DSCAM: variants seen among roughly 807,000 people sequenced by gnomAD.
DSCAM encodes the protein cell adhesion molecule DSCAM.
DSCAM carries 47 observed loss-of-function variants against 217.7 expected under a neutral mutation model. The ratio of observed to expected loss-of-function variants is 0.22; its 90% CI spans 0.17 to 0.28. DSCAM has a LOEUF of 0.28. Ranked by LOEUF, DSCAM falls within the 10% of genes least tolerant of loss-of-function variation. The probability of loss-of-function intolerance (pLI) is 1.00; values close to 1 mark genes in which losing one functional copy is unlikely to be tolerated. For missense variants in DSCAM, 2,080 were observed against 2,618.3 expected (o/e 0.79, Z 4.49); for synonymous variants, 1,056 against 1,015.3 (o/e 1.04, Z -0.76).
chr21:40,500,242 A>G (rs2076160723), intron 3 of DSCAM, among the ~76,000 whole-genome samples: 1 of 152,122 alleles, frequency 6.6e-6, no homozygotes, highest in Non-Finnish European at 1.5e-5. Flanking sequence ...TTTGTTTTTT[A>G]AGTTTTCTGA....
In DSCAM at chr21:40,513,495, C is replaced by T. The variant is rs142380501; in HGVS notation, c.509-144250G>A. Among the ~76,000 whole-genome samples, 452 of 152,230 alleles carry T rather than the reference C, an allele frequency of 3.0e-3. 1 individual carries two copies. Among genetic ancestry groups the T allele is most frequent in the Non-Finnish European group, 5.0e-3 (340 of 68,012 alleles). The stretch of plus-strand genomic sequence containing the variant: ...CAACATCTGCTTCTGGTGAGTGCCT[C>T]AGGGAGCTTCAAATCATGGTGGAAG... On this transcript the variant is annotated intron_variant, in intron 3 of 32. Coordinates refer to ENST00000400454, the MANE Select transcript of DSCAM (RefSeq NM_001389.5).
intron 11 of DSCAM, among the ~76,000 whole-genome samples, chr21:40,250,673 C>G (rs1024513771): frequency 1.3e-5 from 2 of 152,226 alleles, no homozygotes; most frequent in African/African-American, 4.8e-5. Context: ...CCTGAAGTGG[C>G]AGCGACAGCT....
intron 1 of DSCAM, among the ~76,000 whole-genome samples, chr21:40,788,507 T>C (rs970945432): frequency 2.6e-5 from 4 of 152,198 alleles, no homozygotes; most frequent in Admixed American, 2.0e-4. Context: ...AACTCATTCA[T>C]CTCTTATCCA....
chr21:40,504,004 T>C lies in DSCAM; in HGVS notation c.509-134759A>G, dbSNP rs1308362284. ...TTCATCAGAAAGATGCTATTGGATA[T>C]TTCAAAAGAGCACCAGAGCTCCCCA... On this transcript the variant is annotated intron_variant, in intron 3 of 32. Coordinates refer to ENST00000400454, the MANE Select transcript of DSCAM (RefSeq NM_001389.5). Among the ~76,000 whole-genome samples the C allele has an allele frequency of 2.6e-5, 4 of 152,206 alleles. No homozygotes were observed. In the East Asian group the frequency reaches 7.7e-4, roughly 29 times the overall value.
intron 3 of DSCAM, among the ~76,000 whole-genome samples, chr21:40,443,093 G>A (rs556470158): frequency 6.6e-6 from 1 of 152,274 alleles, no homozygotes; most frequent in Non-Finnish European, 1.5e-5. Flanking sequence ...CACACCTGTG[G>A]ATCATATCGT....
intron 1 of DSCAM, among the ~76,000 whole-genome samples, chr21:40,785,005 T>A (rs1042977798): frequency 1.3e-5 from 2 of 152,224 alleles, no homozygotes; most frequent in African/African-American, 4.8e-5. Context: ...CATTTAGTCT[T>A]CTAATTCATA....
At chr21:40,248,848 T>C (rs541444500) in intron 11 of DSCAM, among the ~76,000 whole-genome samples, 15 of 152,298 alleles carry the variant, frequency 9.8e-5, no homozygotes, top group African/African-American at 3.6e-4. Context: ...GGATTGGACT[T>C]ACAGTTCCAC....
chr21:40,653,099 G>A (rs1002728757), intron 3 of DSCAM, among the ~76,000 whole-genome samples: 3 of 152,166 alleles, frequency 2.0e-5, no homozygotes, highest in Non-Finnish European at 4.4e-5. Flanking sequence ...GGTCTTTCCT[G>A]GACTCCTTCC....
rs77694747 is a variant in DSCAM at position 40,504,289 on chromosome 21, C to T, written c.509-135044G>A. The stretch of plus-strand genomic sequence containing the variant: ...ACCAAGTCTGTACCAGGGATGTTGG[C>T]CGACTCCTCAGCCAGGAGGGCATCA... On this transcript the variant is annotated intron_variant, in intron 3 of 32. Transcript: ENST00000400454. Among the ~76,000 whole-genome samples, 798 of 152,258 alleles carry T rather than the reference C, an allele frequency of 5.2e-3. 8 individuals carry two copies. The highest frequency in any genetic ancestry group is 0.018 in the African/African-American group (755 of 41,542).
chr21:40,106,886 G>A (rs2089827891), intron 20 of DSCAM, among the ~76,000 whole-genome samples: 1 of 125,048 alleles, frequency 8.0e-6, no homozygotes, highest in African/African-American at 2.6e-5. Flanking sequence ...CCTAGCTAGT[G>A]GTCTATCTAT....
intron 1 of DSCAM, among the ~76,000 whole-genome samples, chr21:40,793,064 C>T (rs1227422597): frequency 6.6e-6 from 1 of 152,104 alleles, no homozygotes; most frequent in Non-Finnish European, 1.5e-5. Context: ...TTTTTCTATA[C>T]ATAATAGAAA....
chr21:40,249,616 G>T (rs1057100055), intron 11 of DSCAM, among the ~76,000 whole-genome samples: 2 of 152,170 alleles, frequency 1.3e-5, no homozygotes, highest in African/African-American at 4.8e-5. Flanking sequence ...GAGTATGAAA[G>T]CAACATTTCA....
chr21:40,706,180 CAAAAAAA>C (rs560131166), intron 2 of DSCAM, among the ~76,000 whole-genome samples: 5 of 99,484 alleles, frequency 5.0e-5, no homozygotes, highest in African/African-American at 1.7e-4. Flanking sequence ...ACTCCAGTCT[CAAAAAAA>C]AAAAAAAAAG....
At chr21:40,824,524 C>T (rs2091953232) in intron 1 of DSCAM, among the ~76,000 whole-genome samples, 1 of 151,840 alleles carries the variant, frequency 6.6e-6, no homozygotes, top group African/African-American at 2.4e-5. Flanking sequence ...ATTCTCCCAC[C>T]TCAGCCTCCT....
In DSCAM at chr21:40,349,093, C is replaced by T. The variant is rs181401988; in HGVS notation, c.935-1148G>A. 1.3e-3 allele frequency among the ~76,000 whole-genome samples: 169 copies of T among 130,534 alleles called. 1 individual carries two copies. Among genetic ancestry groups the T allele is most frequent in the Middle Eastern group, 4.4e-3 (1 of 226 alleles). 85.6% of individuals were successfully genotyped at this position (130,534 alleles called of 152,430 possible). On this transcript the variant is annotated intron_variant, in intron 5 of 32. Coordinates refer to ENST00000400454, the MANE Select transcript of DSCAM (RefSeq NM_001389.5). ...AGGAGCTTGCAGTGAGCTGAGATGGCGCCACTGCACTCTAGCTTGGGGGAC... is the reference window on the plus strand; with the variant it reads ...AGGAGCTTGCAGTGAGCTGAGATGGTGCCACTGCACTCTAGCTTGGGGGAC...
At chr21:40,450,843 T>G (rs906260378) in intron 3 of DSCAM, among the ~76,000 whole-genome samples, 2 of 152,238 alleles carry the variant, frequency 1.3e-5, no homozygotes, top group African/African-American at 4.8e-5. Flanking sequence ...ATGTAAAATT[T>G]CCAGTAACGA....
intron 1 of DSCAM, among the ~76,000 whole-genome samples, chr21:40,832,924 A>C (rs923433634): frequency 1.6e-5 from 1 of 60,892 alleles, no homozygotes; most frequent in African/African-American, 4.8e-5. Context: ...AAGTTAACGA[A>C]CCTCACCTCA....
intron 2 of DSCAM, among the ~76,000 whole-genome samples, chr21:40,705,713 C>T (rs2090707386): frequency 6.6e-6 from 1 of 152,144 alleles, no homozygotes; most frequent in Non-Finnish European, 1.5e-5. Flanking sequence ...CCACTGGGTC[C>T]CTCCCAGGAC....
At chr21:40,348,167 ACT>A (rs2074581401) in intron 5 of DSCAM, among the ~76,000 whole-genome samples, 1 of 98,328 alleles carries the variant, frequency 1.0e-5, no homozygotes, top group Non-Finnish European at 2.2e-5. Flanking sequence ...TTGCAATCAT[ACT>A]CCACACAGTT....
Sources: gnomAD v4.1 joint callset for allele counts (sites outside exome capture counted in the v4.1 genomes callset) on GRCh38, gnomAD v4.1.1 for gene constraint, MANE v1.5 for transcripts, NCBI Gene and HGNC (gene_info 2026-07-23, HGNC 2026-07-21) for gene names.